Variants in STAB2 observed in about 807,000 individuals in gnomAD.
STAB2 encodes the protein stabilin-2.
A neutral mutation model predicts 338.1 loss-of-function variants in STAB2; 288 were observed. The ratio of observed to expected loss-of-function variants is 0.85; its 90% CI spans 0.77 to 0.94. STAB2 has a LOEUF of 0.94. Ranked by LOEUF, STAB2 falls within the 40% of genes least tolerant of loss-of-function variation. The pLI is 0.00. For missense variants in STAB2, 3,141 were observed against 3,210.1 expected (o/e 0.98, Z 0.52); for synonymous variants, 1,202 against 1,193.3 (o/e 1.01, Z -0.15).
rs765335267 is a variant in STAB2 at position 103,755,695 on chromosome 12, C to T, written c.6964C>T (p.Pro2322Ser). Residue 2322 changes from proline (P) to serine (S), a missense_variant, in exon 63 of 69, where the codon CCC becomes TCC. Coordinates refer to ENST00000388887, the MANE Select transcript of STAB2 (RefSeq NM_017564.10). ...CCTGCTGCAGGTCCTGATGTCCTTCCCCTCACTCACAAACTTCCTGACGGT... is the reference window on the plus strand; with the variant it reads ...CCTGCTGCAGGTCCTGATGTCCTTCTCCTCACTCACAAACTTCCTGACGGT... ...GNLLQVLMSF[P>S]SLTNFLTEVL... 2 of 1,614,078 alleles carry T rather than the reference C, an allele frequency of 1.2e-6. No individual in the cohort carries two copies. Among genetic ancestry groups the T allele is most frequent in the Non-Finnish European group, 1.7e-6 (2 of 1,180,024 alleles).
intron 3 of STAB2, among the ~76,000 whole-genome samples, chr12:103,598,773 G>A (rs1022925136): frequency 3.7e-4 from 56 of 152,050 alleles, no homozygotes; most frequent in African/African-American, 8.9e-4. Context: ...TCCTTCCAGC[G>A]TTGGCCAGCT....
rs1347074471 is a variant in STAB2, at chr12:103,675,872, T to C, written c.2553-56T>C. 15 of 1,429,602 alleles carry C rather than the reference T, an allele frequency of 1.0e-5. No homozygotes were observed. The South Asian group carries it at 1.6e-4, about 15-fold the overall frequency. The allele number at this position is 1,429,602 out of a possible 1,614,324, so 88.6% of individuals were successfully genotyped here. A position where few individuals can be genotyped will look rare whatever the true frequency, so the allele number is the denominator to read the frequency against. On this transcript the variant is annotated intron_variant, in intron 23 of 68. Coordinates refer to ENST00000388887, the MANE Select transcript of STAB2 (RefSeq NM_017564.10). Reference sequence around the variant, plus strand: ...TGGCTCATCTCTAGCTGGCTGGCTCTCTTCTGGGTCGTTGGTGCTTATTCT... The same window carrying C: ...TGGCTCATCTCTAGCTGGCTGGCTCCCTTCTGGGTCGTTGGTGCTTATTCT...
chr12:103,675,117 T>C (rs1241106303), intron 23 of STAB2, among the ~76,000 whole-genome samples: 3 of 152,246 alleles, frequency 2.0e-5, no homozygotes, highest in African/African-American at 7.2e-5. Context: ...GGAAGCTTGA[T>C]ACATGAAATA....
chr12:103,685,457 CGTGCGTGTGTGTGT>C (rs1566014303), intron 27 of STAB2, among the ~76,000 whole-genome samples: 1 of 136,274 alleles, frequency 7.3e-6, no homozygotes, highest in African/African-American at 2.7e-5. Context: ...TGTGTGTGCG[CGTGCGTGTGTGTGT>C]GCGTGCGCGC....
In STAB2 at chr12:103,666,354, G is replaced by C. The variant is rs753789435; in HGVS notation, c.2085+1G>C. 6.2e-7 allele frequency: 1 copy of C among 1,614,192 alleles called. No homozygotes were observed. Among genetic ancestry groups the C allele is most frequent in the Non-Finnish European group, 8.5e-7 (1 of 1,180,018 alleles). On this transcript the variant is annotated splice_donor_variant, in intron 19 of 68. Coordinates refer to ENST00000388887, the MANE Select transcript of STAB2 (RefSeq NM_017564.10). LOFTEE classifies it high-confidence loss of function. Reference sequence around the variant, plus strand: ...ATGTCCTGCTAACTCTGAGCCCACAGTGAGTGTGACAGCTTCATGAAAGCA... The same window carrying C: ...ATGTCCTGCTAACTCTGAGCCCACACTGAGTGTGACAGCTTCATGAAAGCA...
Position 103,660,721 on chromosome 12 carries a change from G to C in STAB2, c.1827G>C (p.Arg609Ser), listed in dbSNP as rs1874540588. ...CTCTCATCTCCACCCCTCACATCAG[G>C]AGCATGGCCAACCAGCTCATACAGT... is the stretch of plus-strand genomic sequence containing the variant. ...VATLISTPHI[R>S]SMANQLIQFN... The change falls in exon 17 of 69, where the codon AGG becomes AGC. Residue 609 changes from arginine to serine, a missense_variant. By Grantham distance (110) the Arg-to-Ser change is moderately radical. Transcript: ENST00000388887. 3.1e-6 allele frequency: 5 copies of C among 1,613,890 alleles called. No individual in the cohort carries two copies. Among genetic ancestry groups the C allele is most frequent in the Non-Finnish European group, 4.2e-6 (5 of 1,179,976 alleles).
chr12:103,594,399 A>C lies in STAB2; in HGVS notation c.220A>C (p.Thr74Pro), dbSNP rs1390136336. Residue 74 changes from threonine (T) to proline (P), a missense_variant, in exon 3 of 69, where the codon ACC becomes CCC. Physicochemically the swap from Thr to Pro is conservative, Grantham distance 38 (BLOSUM62 -1). Transcript: ENST00000388887. ...GSVGVRDCRYTFEVRTYSLSL... is the reference protein window; with the variant it reads ...GSVGVRDCRYPFEVRTYSLSL... The stretch of plus-strand genomic sequence containing the variant: ...GTCCTCTCTTTACCCTCCAAGGTAC[A>C]CCTTTGAGGTCAGAACATACTCTCT... 6.8e-6 allele frequency: 11 copies of C among 1,613,474 alleles called. No individual in the cohort carries two copies. Among genetic ancestry groups the C allele is most frequent in the Non-Finnish European group, 9.3e-6 (11 of 1,179,530 alleles).
chr12:103,730,106 T>C lies in STAB2; in HGVS notation c.5083-10T>C. On this transcript the variant is annotated splice_polypyrimidine_tract_variant and intron_variant, in intron 48 of 68. Transcript: ENST00000388887. ...GCACTCATTTCTTTTTTGTTTTTGG[T>C]TGATTTCAGAGCACGGTGTATATAA... 8 of 1,562,748 alleles carry C rather than the reference T, an allele frequency of 5.1e-6. No individual in the cohort carries two copies. Among genetic ancestry groups the C allele is most frequent in the Non-Finnish European group, 6.9e-6 (8 of 1,157,112 alleles).
chr12:103,731,423 C>T (rs564919588), intron 49 of STAB2, among the ~76,000 whole-genome samples, 153 bp from the exon 50 acceptor site: 143 of 152,254 alleles, frequency 9.4e-4, no homozygotes, highest in African/African-American at 3.0e-3. Context: ...TGCAGAAAAG[C>T]GTGGTCAGAA....
At position 103,675,995 on chromosome 12, in the gene STAB2, C is replaced by T. The variant is rs1411980535; in HGVS notation, c.2620C>T (p.Leu874=). The change falls in exon 24 of 69, where the codon CTA becomes TTA. Residue 874 remains leucine, a synonymous_variant. Transcript: ENST00000388887. ...TTCTGAGATGGACCCTTGCACAGGA[C>T]TAACTCCAGGAGGCTGTAGCCGCAA... is the stretch of plus-strand genomic sequence containing the variant. The part of the protein sequence containing the change: ...LCSEMDPCTG[L]TPGGCSRNAE... The T allele has an allele frequency of 6.2e-7, 1 of 1,608,936 alleles. No individual in the cohort carries two copies. Among genetic ancestry groups the T allele is most frequent in the East Asian group, 2.2e-5 (1 of 44,500 alleles).
At chr12:103,650,347 C>G in intron 10 of STAB2, 149 bp from the exon 11 acceptor site, 1 of 562,564 alleles carries the variant, frequency 1.8e-6, no homozygotes, top group Non-Finnish European at 3.2e-6. Flanking sequence ...GAGAGATTCC[C>G]AGTTGACACA....
At chr12:103,589,937 G>C (rs1326385873) in intron 1 of STAB2, among the ~76,000 whole-genome samples, 2 of 152,172 alleles carry the variant, frequency 1.3e-5, no homozygotes, top group Non-Finnish European at 2.9e-5. Context: ...ATGGCAAAGG[G>C]TAAGCAATTC....
intron 3 of STAB2, among the ~76,000 whole-genome samples, chr12:103,606,603 T>C (rs1428353915): frequency 6.6e-6 from 1 of 152,186 alleles, no homozygotes; most frequent in Admixed American, 6.5e-5. Context: ...TTGAAAGATA[T>C]TGTTGTATAT....
chr12:103,656,015 A>T (rs1257681672), intron 15 of STAB2, among the ~76,000 whole-genome samples: 1 of 152,214 alleles, frequency 6.6e-6, no homozygotes, highest in East Asian at 1.9e-4. Flanking sequence ...TTATTTTTAG[A>T]TGCTTCAGCC....
chr12:103,757,302 G>A (rs1355259992), intron 63 of STAB2, among the ~76,000 whole-genome samples: 1 of 151,922 alleles, frequency 6.6e-6, no homozygotes, highest in Non-Finnish European at 1.5e-5. Context: ...TGCCCAGGCT[G>A]GTCTCAAACT....
intron 3 of STAB2, among the ~76,000 whole-genome samples, chr12:103,601,092 A>C (rs1391831708): frequency 1.3e-5 from 2 of 152,232 alleles, no homozygotes; most frequent in African/African-American, 4.8e-5. Context: ...CTCTGAGCCT[A>C]GTGGCTGTGA....
At chr12:103,681,632 T>A (rs1593227544) in intron 25 of STAB2, among the ~76,000 whole-genome samples, 2 of 143,636 alleles carry the variant, frequency 1.4e-5, no homozygotes, top group African/African-American at 5.2e-5. Flanking sequence ...TTTTTTTTTT[T>A]TTTTTTTTGA....
chr12:103,654,705 A>ACCTCACTTTTATT lies in STAB2; in HGVS notation c.1551+7_1551+8insCCTCACTTTTATT. ...ATTTGAGAGCAACAATGAGGTGAGT[A>ACCTCACTTTTATT]TTCAGATAAAAGTCACATCAGGCCA... On this transcript the variant is annotated splice_region_variant and intron_variant, in intron 13 of 68. Coordinates refer to ENST00000388887, the MANE Select transcript of STAB2 (RefSeq NM_017564.10). 6.2e-7 allele frequency: 1 copy of ACCTCACTTTTATT among 1,612,862 alleles called. No individual in the cohort carries two copies. Among genetic ancestry groups the ACCTCACTTTTATT allele is most frequent in the Non-Finnish European group, 8.5e-7 (1 of 1,179,544 alleles).
At chr12:103,635,415 C>A (rs1427720502) in intron 6 of STAB2, among the ~76,000 whole-genome samples, 1 of 152,166 alleles carries the variant, frequency 6.6e-6, no homozygotes, top group African/African-American at 2.4e-5. Flanking sequence ...ACCAGGCTCC[C>A]GAAAAACAGC....
Sources: gnomAD v4.1 joint callset for allele counts (sites outside exome capture counted in the v4.1 genomes callset) on GRCh38, gnomAD v4.1.1 for gene constraint, MANE v1.5 for transcripts, NCBI Gene and HGNC (gene_info 2026-07-23, HGNC 2026-07-21) for gene names.